The following FBN2 variants were observed in gnomAD, a reference collection of about 807,000 sequenced individuals.
FBN2 encodes fibrillin 2, also known as fibrillin-2.
In FBN2, 105 loss-of-function variants were observed where a neutral mutation model predicts 355.6. The ratio of observed to expected loss-of-function variants is 0.30; its 90% CI spans 0.25 to 0.35. The LOEUF (loss-of-function observed/expected upper bound fraction) is 0.35. FBN2 is among the 10% of genes least tolerant of loss of function. The pLI is 1.00. For missense variants in FBN2, 3,280 were observed against 3,758.7 expected (o/e 0.87, Z 3.33); for synonymous variants, 1,350 against 1,301.2 (o/e 1.04, Z -0.81).
rs200881643 is a variant in FBN2 at position 128,361,811 on chromosome 5, A to T, written c.2466T>A (p.Asp822Glu). ...DECLVNRLLC[D>E]NGLCRNTPGS... ...CTGGCGTGTTTCGGCACAATCCGTT[A>T]TCACAAAGCAGTCTGTTTACTAAAC... Residue 822 changes from aspartate (D) to glutamate (E), a missense_variant, in exon 19 of 65, where the codon GAT (aspartate) becomes GAA (glutamate). By Grantham distance (45) the Asp-to-Glu change is conservative. Around this residue, in one of 6 missense-constraint regions of FBN2, gnomAD observed 2,284 missense variants for 2,749.5 expected, o/e 0.83. Coordinates refer to ENST00000262464, the MANE Select transcript of FBN2 (RefSeq NM_001999.4). The T allele has an allele frequency of 6.2e-7, 1 of 1,614,064 alleles. No homozygotes were observed. Among genetic ancestry groups the T allele is most frequent in the Non-Finnish European group, 8.5e-7 (1 of 1,180,002 alleles).
intron 48 of FBN2, among the ~76,000 whole-genome samples, chr5:128,299,005 A>G (rs1749624464): frequency 6.6e-6 from 1 of 152,064 alleles, no homozygotes; most frequent in African/African-American, 2.4e-5. Flanking sequence ...TGATGTACAG[A>G]TGGGCTTTTG....
intron 31 of FBN2, among the ~76,000 whole-genome samples, chr5:128,333,601 T>C (rs1750750456): frequency 6.6e-6 from 1 of 152,054 alleles, no homozygotes; most frequent in South Asian, 2.1e-4. Flanking sequence ...TTTCTTCTAC[T>C]TATTTGAGAT....
chr5:128,376,671 ATTC>A, intron 14 of FBN2, 57 bp downstream of exon 14: 1 of 1,592,264 alleles, frequency 6.3e-7, no homozygotes, highest in Non-Finnish European at 8.6e-7. Flanking sequence ...TCCATGGTTC[ATTC>A]AAATAAAAAA....
intron 6 of FBN2, among the ~76,000 whole-genome samples, chr5:128,451,083 C>A (rs1367182274): frequency 1.3e-5 from 2 of 152,112 alleles, no homozygotes; most frequent in Non-Finnish European, 2.9e-5. Context: ...TAAAATATTT[C>A]ATGAACACAT....
At chr5:128,426,458 G>A (rs553682134) in intron 7 of FBN2, among the ~76,000 whole-genome samples, 1 of 152,192 alleles carries the variant, frequency 6.6e-6, no homozygotes, top group Admixed American at 6.5e-5. Context: ...GAGAATATAT[G>A]GTAAATGGGT....
At chr5:128,343,164 T>C (rs1267667421) in intron 25 of FBN2, among the ~76,000 whole-genome samples, 1 of 151,620 alleles carries the variant, frequency 6.6e-6, no homozygotes, top group Non-Finnish European at 1.5e-5. Context: ...AGGGAAGAGG[T>C]TTAGAAGCAG....
At chr5:128,273,790 T>C (rs748233984) in intron 61 of FBN2, 50 bp downstream of exon 61, 1 of 1,572,974 alleles carries the variant, frequency 6.4e-7, no homozygotes. Context: ...GTTAAAAATA[T>C]ATATGGTTTA....
chr5:128,437,783 TAGATAGATAGA>T (rs2127041852), intron 7 of FBN2, among the ~76,000 whole-genome samples: 1 of 86,996 alleles, frequency 1.1e-5, no homozygotes, highest in Admixed American at 1.1e-4. Context: ...TATAGATAGA[TAGATAGATAGA>T]TAGATAGATA....
At chr5:128,303,957 C>T (rs930611788) in intron 45 of FBN2, among the ~76,000 whole-genome samples, 3 of 152,020 alleles carry the variant, frequency 2.0e-5, no homozygotes, top group South Asian at 2.1e-4. Flanking sequence ...ATAAACATCA[C>T]CTAGAGAATT....
Position 128,318,575 on chromosome 5 carries a change from CAT to C in FBN2, c.4594+302_4594+303del, listed in dbSNP as rs529305953. 8.6e-5 allele frequency among the ~76,000 whole-genome samples: 13 copies of C among 151,296 alleles called. No individual in the cohort carries two copies. In the South Asian group the frequency reaches 2.5e-3, roughly 29 times the overall value. On this transcript the variant is annotated intron_variant, in intron 35 of 64. Coordinates refer to ENST00000262464, the MANE Select transcript of FBN2 (RefSeq NM_001999.4). ...TTGCTTAACAAAAATCACATATATA[CAT>C]GTATATATATATATACATGTACTAT...
chr5:128,275,925 T>TG, intron 59 of FBN2, 113 bp downstream of exon 59: 1 of 1,183,168 alleles, frequency 8.5e-7, no homozygotes, highest in Non-Finnish European at 1.3e-6. Flanking sequence ...GCCACTAGGA[T>TG]GGGACCTTTT....
At chr5:128,385,171 T>C (rs1438152302) in intron 11 of FBN2, among the ~76,000 whole-genome samples, 1 of 152,128 alleles carries the variant, frequency 6.6e-6, no homozygotes, top group African/African-American at 2.4e-5. Context: ...GTAATAAGCC[T>C]AGTGCCTGAT....
At chr5:128,527,122 A>G (rs922922133) in intron 4 of FBN2, among the ~76,000 whole-genome samples, 1 of 152,190 alleles carries the variant, frequency 6.6e-6, no homozygotes, top group Non-Finnish European at 1.5e-5. Context: ...AATTTCAGAA[A>G]TAACACTTCT....
intron 48 of FBN2, among the ~76,000 whole-genome samples, chr5:128,296,981 G>A (rs1287991649): frequency 1.3e-5 from 2 of 152,136 alleles, no homozygotes; most frequent in African/African-American, 4.8e-5. Flanking sequence ...ATTTAGTGCT[G>A]TAAATTTCCC....
intron 8 of FBN2, among the ~76,000 whole-genome samples, chr5:128,402,871 T>C (rs907507574): frequency 6.6e-6 from 1 of 152,224 alleles, no homozygotes; most frequent in Non-Finnish European, 1.5e-5. Context: ...TTACATTGTT[T>C]AAGAGTAACT....
At chr5:128,319,072 T>C in intron 34 of FBN2, 71 bp from the exon 35 acceptor site, 1 of 1,267,084 alleles carries the variant, frequency 7.9e-7, no homozygotes. Context: ...ATGTCTAACA[T>C]TAGCGCATTT....
At chr5:128,428,784 G>T (rs1753545534) in intron 7 of FBN2, among the ~76,000 whole-genome samples, 1 of 152,212 alleles carries the variant, frequency 6.6e-6, no homozygotes. Context: ...AACAGTGACG[G>T]AACTCCGTAA....
At chr5:128,440,892 C>T (rs11950890) in intron 7 of FBN2, among the ~76,000 whole-genome samples, 16,584 of 152,082 alleles carry the variant, frequency 0.11, 1,063 homozygotes, top group African/African-American at 0.17. Flanking sequence ...AGGAATTAGC[C>T]CTCATGGGCT....
chr5:128,345,487 G>C lies in FBN2; in HGVS notation c.3087C>G (p.Val1029=). The C allele has an allele frequency of 6.2e-7, 1 of 1,614,120 alleles. No homozygotes were observed. The highest frequency in any genetic ancestry group is 8.5e-7 in the Non-Finnish European group (1 of 1,180,020). Residue 1029 remains valine (V), a synonymous_variant, in exon 24 of 65, where the codon GTC becomes GTG. Coordinates refer to ENST00000262464, the MANE Select transcript of FBN2 (RefSeq NM_001999.4). ...CACACTCGGTGCCCCAAGCCGCCCC[G>C]ACAGCACAGCAGCAGGCATCCATGC... The part of the protein sequence containing the change: ...KFRMDACCCA[V]GAAWGTECEE...
Sources: allele counts gnomAD v4.1 joint callset (sites outside exome capture counted in the v4.1 genomes callset), GRCh38; gene constraint gnomAD v4.1.1; regional missense constraint gnomAD v4.1.1; transcripts MANE v1.5; gene names NCBI Gene and HGNC (gene_info 2026-07-23, HGNC 2026-07-21).